The following CTNNA2 variants were observed in gnomAD, a reference collection of about 807,000 sequenced individuals.
The protein encoded by CTNNA2 is catenin alpha 2, also known as catenin alpha-2.
Under a neutral mutation model 101.0 loss-of-function variants are expected in CTNNA2, and 42 were observed. The ratio of observed to expected loss-of-function variants is 0.42; its 90% CI spans 0.32 to 0.54. The LOEUF (loss-of-function observed/expected upper bound fraction) is 0.54. CTNNA2 is among the 20% of genes least tolerant of loss of function. The probability of loss-of-function intolerance (pLI) is 0.14; values close to 1 mark genes in which losing one functional copy is unlikely to be tolerated. For synonymous variants in CTNNA2, 450 were observed against 456.4 expected (o/e 0.99, Z 0.18); for missense variants, 871 against 1,223.1 (o/e 0.71, Z 4.29).
chr2:80,340,959 GA>G (rs148521733), intron 7 of CTNNA2, among the ~76,000 whole-genome samples: 2,646 of 152,192 alleles, frequency 0.017, 77 homozygotes, highest in African/African-American at 0.059. Context: ...TAGAAGTCAG[GA>G]AGGCATTTAA....
In CTNNA2 at chr2:80,460,784, T is replaced by C. The variant is rs146426305; in HGVS notation, c.1290+41183T>C. Reference sequence around the variant, plus strand: ...ATTCCCATTCTAGATAAATGGAGGATATCCTTCTAACTCAATGGTTCTCAA... The same window carrying C: ...ATTCCCATTCTAGATAAATGGAGGACATCCTTCTAACTCAATGGTTCTCAA... On this transcript the variant is annotated intron_variant, in intron 9 of 18. Transcript: ENST00000402739. Among the ~76,000 whole-genome samples, 419 of 152,322 alleles carry C rather than the reference T, an allele frequency of 2.8e-3. 3 individuals are homozygous for C. The highest frequency in any genetic ancestry group is 9.5e-3 in the African/African-American group (396 of 41,566).
chr2:80,298,812 G>C (rs1675990401), intron 7 of CTNNA2: 3 of 152,186 alleles, frequency 2.0e-5, no homozygotes, highest in South Asian at 4.1e-4. Context: ...GTAGTCTTGG[G>C]AGTATAGGCT....
intron 2 of CTNNA2, among the ~76,000 whole-genome samples, chr2:79,298,073 A>G (rs1422228400): frequency 6.6e-6 from 1 of 152,176 alleles, no homozygotes; most frequent in Non-Finnish European, 1.5e-5. Flanking sequence ...GCTATAAAGG[A>G]AATACCTGAG....
intron 3 of CTNNA2, among the ~76,000 whole-genome samples, chr2:79,777,900 T>TTTG (rs1363742060): frequency 6.6e-6 from 1 of 151,618 alleles, no homozygotes; most frequent in African/African-American, 2.4e-5. Flanking sequence ...GGGTTTTTTT[T>TTTG]TTTTTTTTGT....
chr2:79,333,576 C>T (rs1002617186), intron 3 of CTNNA2, among the ~76,000 whole-genome samples: 4 of 152,052 alleles, frequency 2.6e-5, no homozygotes, highest in African/African-American at 9.7e-5. Flanking sequence ...ACATTTATTC[C>T]TGTATGCATA....
intron 2 of CTNNA2, among the ~76,000 whole-genome samples, chr2:79,211,710 C>T (rs1048168023): frequency 1.3e-5 from 2 of 152,114 alleles, no homozygotes; most frequent in African/African-American, 4.8e-5. Context: ...TGTGTACGTG[C>T]AGGTCACATG....
At chr2:79,456,683 T>A (rs1670825674) in intron 4 of CTNNA2, among the ~76,000 whole-genome samples, 1 of 152,182 alleles carries the variant, frequency 6.6e-6, no homozygotes, top group South Asian at 2.1e-4. Context: ...TAGAAAAGAT[T>A]TTTTTCCTAC....
chr2:79,355,653 G>T (rs955306378), intron 3 of CTNNA2, among the ~76,000 whole-genome samples: 1 of 152,070 alleles, frequency 6.6e-6, no homozygotes, highest in Non-Finnish European at 1.5e-5. Context: ...TGTGTTTATG[G>T]ATTTACCTAT....
chr2:80,262,357 A>G (rs1672673783), intron 7 of CTNNA2, among the ~76,000 whole-genome samples: 1 of 152,156 alleles, frequency 6.6e-6, no homozygotes, highest in Admixed American at 6.5e-5. Flanking sequence ...CCAGTACCCT[A>G]TTGCTAGGAA....
chr2:80,194,146 A>G (rs895901864), intron 7 of CTNNA2, among the ~76,000 whole-genome samples: 3 of 152,148 alleles, frequency 2.0e-5, no homozygotes, highest in Admixed American at 6.5e-5. Flanking sequence ...CCCTCAGCCA[A>G]TTGCCATTTC....
intron 9 of CTNNA2, among the ~76,000 whole-genome samples, chr2:80,530,889 T>C (rs1367279888): frequency 6.6e-6 from 1 of 152,160 alleles, no homozygotes; most frequent in African/African-American, 2.4e-5. Flanking sequence ...CTTGAACTTA[T>C]ACACTAAGGA....
intron 1 of CTNNA2, among the ~76,000 whole-genome samples, chr2:79,564,053 T>A (rs1674957855): frequency 1.3e-5 from 2 of 152,056 alleles, no homozygotes; most frequent in Admixed American, 1.3e-4. Context: ...TTTTCCACCA[T>A]CCCAGTTTGG....
intron 7 of CTNNA2, among the ~76,000 whole-genome samples, chr2:80,066,849 T>G (rs983303644): frequency 6.6e-6 from 1 of 152,118 alleles, no homozygotes; most frequent in Non-Finnish European, 1.5e-5. Flanking sequence ...TGTTCATCAG[T>G]GAATGGATGG....
At chr2:80,013,646 C>T (rs781240743) in intron 7 of CTNNA2, among the ~76,000 whole-genome samples, 12 of 152,194 alleles carry the variant, frequency 7.9e-5, no homozygotes, top group Non-Finnish European at 1.6e-4. Flanking sequence ...TGTTCTCTTC[C>T]ACCCACGTAA....
At chr2:80,226,514 A>G (rs952450633) in intron 7 of CTNNA2, among the ~76,000 whole-genome samples, 3 of 152,172 alleles carry the variant, frequency 2.0e-5, no homozygotes. Context: ...GGTGGTGTAC[A>G]TCTCTCGGAT....
At chr2:80,645,563 T>G (rs1488781990) in intron 18 of CTNNA2, among the ~76,000 whole-genome samples, 1 of 125,914 alleles carries the variant, frequency 7.9e-6, no homozygotes. Context: ...AAACAAAGAT[T>G]GCAAGGTTTT....
intron 6 of CTNNA2, among the ~76,000 whole-genome samples, chr2:79,886,299 G>T (rs368645170): frequency 2.0e-5 from 3 of 152,146 alleles, no homozygotes; most frequent in East Asian, 3.9e-4. Flanking sequence ...CAGTTGTATG[G>T]TGGGTAAAGC....
chr2:79,585,722 C>CCACT (rs571144242), intron 1 of CTNNA2, among the ~76,000 whole-genome samples: 101 of 152,026 alleles, frequency 6.6e-4, no homozygotes, highest in African/African-American at 2.1e-3. Flanking sequence ...TCTGCTCCAG[C>CCACT]CCCTCCCTCC....
At chr2:79,518,808 G>T (rs1671942643) in intron 1 of CTNNA2, among the ~76,000 whole-genome samples, 1 of 152,168 alleles carries the variant, frequency 6.6e-6, no homozygotes, top group African/African-American at 2.4e-5. Context: ...GTATCCTACA[G>T]TCTTTTAGAG....
Sources: gnomAD v4.1 joint callset for allele counts (sites outside exome capture counted in the v4.1 genomes callset) on GRCh38, gnomAD v4.1.1 for gene constraint, MANE v1.5 for transcripts, NCBI Gene and HGNC (gene_info 2026-07-23, HGNC 2026-07-21) for gene names.